The following HERC2 variants were observed in gnomAD, a reference collection of about 807,000 sequenced individuals.
HERC2 encodes the protein HECT and RLD domain containing E3 ubiquitin protein ligase 2.
Under a neutral mutation model 537.7 loss-of-function variants are expected in HERC2, and 102 were observed. That is an observed-to-expected ratio of 0.19 (90% CI 0.16 to 0.22). The LOEUF (loss-of-function observed/expected upper bound fraction) is 0.22, where lower values mean the gene tolerates loss of function less well. Ranked by LOEUF, HERC2 falls within the 10% of genes least tolerant of loss-of-function variation. The pLI is 1.00. For missense variants in HERC2, 4,236 were observed against 6,198.2 expected, an observed-to-expected ratio of 0.68 and a Z score of 10.63; for synonymous variants, 2,224 against 2,466.2, an observed-to-expected ratio of 0.90 and a Z score of 2.91.
In HERC2 at chr15:28,163,335, G is replaced by A. The variant is rs1272013602; in HGVS notation, c.10555-50C>T. The A allele has an allele frequency of 2.0e-6, 3 of 1,530,472 alleles. No individual in the cohort carries two copies. In the East Asian group the frequency reaches 6.8e-5, roughly 35 times the overall value. The allele number at this position is 1,530,472 out of a possible 1,614,324, so 94.8% of individuals were successfully genotyped here. A position where few individuals can be genotyped will look rare whatever the true frequency, so the allele number is the denominator to read the frequency against. ...TAACATGAGGAATGATATGCTAAGA[G>A]ATAAAGAGTCACCAGTTTACCCATA... On this transcript the variant is annotated intron_variant, in intron 68 of 92. Coordinates refer to ENST00000261609, the MANE Select transcript of HERC2 (RefSeq NM_004667.6).
chr15:28,250,800 C>G (rs2075050739), intron 20 of HERC2, among the ~76,000 whole-genome samples: 2 of 152,144 alleles, frequency 1.3e-5, no homozygotes, highest in Non-Finnish European at 1.5e-5. Context: ...AAAACAGTGT[C>G]TACCCATGCA....
rs1895404747 is a variant in HERC2, at chr15:28,177,483, C to G, written c.9190G>C (p.Val3064Leu). Residue 3064 changes from valine to leucine, a missense_variant, in exon 60 of 93, where the codon GTC (valine) becomes CTC (leucine). By Grantham distance (32) the Val-to-Leu change is conservative. Coordinates refer to ENST00000261609, the MANE Select transcript of HERC2 (RefSeq NM_004667.6). This position sits in a 1 kb window ranked among gnomAD's most constrained non-coding sequence, Gnocchi z 5.0. ...CCCCACGAAAACACTTTTCCATCGA[C>G]AGTTAAAGCCGTCGCGTGCCGGCCA... ...SGGRHATALT[V>L]DGKVFSWGEG... The G allele has an allele frequency of 1.2e-6, 2 of 1,614,136 alleles. No individual in the cohort carries two copies. Among genetic ancestry groups the G allele is most frequent in the African/African-American group, 2.7e-5 (2 of 74,948 alleles).
In HERC2 at chr15:28,179,364, C is replaced by T. The variant is rs577467636; in HGVS notation, c.8938-141G>A. The T allele has an allele frequency of 7.6e-5, 52 of 688,024 alleles. 1 individual carries two copies. The highest frequency in any genetic ancestry group is 7.0e-4 in the South Asian group (35 of 50,310). The allele number at this position is 688,024 out of a possible 1,614,324, so 42.6% of individuals were successfully genotyped here. A position where few individuals can be genotyped will look rare whatever the true frequency, so the allele number is the denominator to read the frequency against. On this transcript the variant is annotated intron_variant, in intron 57 of 92. Coordinates refer to ENST00000261609, the MANE Select transcript of HERC2 (RefSeq NM_004667.6). ...TTCACTCAACCACAGGCTACATATA[C>T]GATGGCAGTCCCAGTAGATTATAAT... is the stretch of plus-strand genomic sequence containing the variant.
At chr15:28,305,534 G>A (rs1175447553) in intron 2 of HERC2, among the ~76,000 whole-genome samples, 38 of 112,788 alleles carry the variant, frequency 3.4e-4, no homozygotes, top group South Asian at 2.9e-3. Context: ...AATTCAAGAT[G>A]GATTAAAGAT....
chr15:28,154,925 C>A (rs1202050723), intron 69 of HERC2, among the ~76,000 whole-genome samples: 1 of 114,798 alleles, frequency 8.7e-6, no homozygotes, highest in Non-Finnish European at 1.7e-5. Context: ...CTCCCCCCAC[C>A]CCAAAACAGG....
intron 55 of HERC2, among the ~76,000 whole-genome samples, chr15:28,189,253 T>C (rs932250658): frequency 4.6e-5 from 7 of 152,242 alleles, no homozygotes; most frequent in Non-Finnish European, 8.8e-5. Flanking sequence ...GTATTTCTCA[T>C]GTACATGACA....
chr15:28,315,717 C>T (rs1051680906), intron 2 of HERC2: 22 of 991,278 alleles, frequency 2.2e-5, no homozygotes, highest in Non-Finnish European at 3.1e-5. Context: ...GAGGAAGAAG[C>T]GAATGCGCAG....
intron 86 of HERC2, among the ~76,000 whole-genome samples, chr15:28,120,218 G>GC (rs1888726958): frequency 6.6e-6 from 1 of 152,326 alleles, no homozygotes; most frequent in Middle Eastern, 3.4e-3. Flanking sequence ...GTACAGCTTA[G>GC]CATTAAACAC....
intron 20 of HERC2, 76 bp downstream of exon 20, chr15:28,254,264 C>A (rs1254025841): frequency 9.3e-7 from 1 of 1,076,648 alleles, no homozygotes; most frequent in Non-Finnish European, 1.3e-6. Context: ...GCCTGGGCAA[C>A]AAGAGCGAAC....
At chr15:28,146,580 G>A (rs113843059) in intron 70 of HERC2, among the ~76,000 whole-genome samples, 4,455 of 148,350 alleles carry the variant, frequency 0.03, 40 homozygotes, top group Admixed American at 0.088. Flanking sequence ...TGTTTTGTGC[G>A]GTCACTCCCG....
intron 2 of HERC2, among the ~76,000 whole-genome samples, chr15:28,308,196 T>G (rs1356197781): frequency 1.3e-5 from 2 of 152,192 alleles, no homozygotes; most frequent in South Asian, 2.1e-4. Flanking sequence ...GATGAAATAT[T>G]TTTCCATCTT....
intron 70 of HERC2, among the ~76,000 whole-genome samples, chr15:28,152,394 G>A (rs1177230047): frequency 2.0e-5 from 3 of 152,218 alleles, no homozygotes. Context: ...ATACACTGAG[G>A]GCTTCCAGAA....
At chr15:28,214,877 T>C in intron 39 of HERC2, 75 bp from the exon 40 acceptor site, 2 of 1,281,990 alleles carry the variant, frequency 1.6e-6, no homozygotes, top group Non-Finnish European at 2.2e-6. Flanking sequence ...TATTTTTTTA[T>C]TTTTTATTTT....
Position 28,229,755 on chromosome 15 carries a change from T to G in HERC2, c.4902A>C (p.Pro1634=). ...CAAATTCAGCAATTGTACTGAGGAG[T>G]GGAGACTGCGGATAAAGACCCTGCA... ...QNVQGLYPQS[P]LLSTIAEFAL... Residue 1634 remains proline, a synonymous_variant, in exon 32 of 93, where the codon CCA becomes CCC. Transcript: ENST00000261609. 1 of 1,562,846 alleles carries G rather than the reference T, an allele frequency of 6.4e-7. No individual in the cohort carries two copies. The highest frequency in any genetic ancestry group is 8.8e-7 in the Non-Finnish European group (1 of 1,135,182).
chr15:28,271,994 C>T, intron 9 of HERC2: 1 of 545,374 alleles, frequency 1.8e-6, no homozygotes, highest in Non-Finnish European at 3.2e-6. Flanking sequence ...GTGAATGTTT[C>T]AAGCTTGGTT....
chr15:28,135,436 C>T (rs1374882134), intron 79 of HERC2, 42 bp downstream of exon 79: 1 of 1,509,780 alleles, frequency 6.6e-7, no homozygotes, highest in African/African-American at 1.4e-5. Context: ...CAAACAAAAA[C>T]AAAGACAAAT....
At chr15:28,163,875 T>C (rs1893865164) in intron 68 of HERC2, among the ~76,000 whole-genome samples, 1 of 152,162 alleles carries the variant, frequency 6.6e-6, no homozygotes, top group South Asian at 2.1e-4. Flanking sequence ...ATACCACATC[T>C]TGATCCTTCA....
intron 40 of HERC2, among the ~76,000 whole-genome samples, 155 bp downstream of exon 40, chr15:28,214,500 A>T (rs1403954284): frequency 6.7e-6 from 1 of 149,716 alleles, no homozygotes; most frequent in East Asian, 2.0e-4. Flanking sequence ...ACCGCTCTTC[A>T]CCAGGGCACA....
At chr15:28,293,245 G>A (rs888883348) in intron 3 of HERC2, among the ~76,000 whole-genome samples, 1 of 152,152 alleles carries the variant, frequency 6.6e-6, no homozygotes, top group African/African-American at 2.4e-5. Flanking sequence ...TGTAATCCCA[G>A]CACTTTGGGA....
Sources: gnomAD v4.1 joint callset for allele counts (sites outside exome capture counted in the v4.1 genomes callset) on GRCh38, gnomAD v4.1.1 for gene constraint, Gnocchi (gnomAD v3.1) non-coding constraint, MANE v1.5 for transcripts, NCBI Gene and HGNC (gene_info 2026-07-23, HGNC 2026-07-21) for gene names.